Variants in CALCOCO1 observed in about 807,000 individuals in gnomAD.
CALCOCO1 encodes the protein calcium binding and coiled-coil domain 1.
A neutral mutation model predicts 86.3 loss-of-function variants in CALCOCO1; 44 were observed. The ratio of observed to expected loss-of-function variants is 0.51; its 90% CI spans 0.40 to 0.66. CALCOCO1 has a LOEUF of 0.66. Among genes scored for constraint, CALCOCO1 ranks in the 30% least tolerant of loss-of-function variants. CALCOCO1 has a pLI of 0.00. For synonymous variants in CALCOCO1, 297 were observed against 327.6 expected (o/e 0.91, Z 1.01); for missense variants, 708 against 851.1 (o/e 0.83, Z 2.09).
Position 53,721,591 on chromosome 12 carries a change from T to A in CALCOCO1, c.634A>T (p.Ile212Phe). 1 of 1,613,980 alleles carries A rather than the reference T, an allele frequency of 6.2e-7. No individual in the cohort carries two copies. Among genetic ancestry groups the A allele is most frequent in the Non-Finnish European group, 8.5e-7 (1 of 1,179,978 alleles). Residue 212 changes from isoleucine to phenylalanine, a missense_variant, in exon 6 of 15, where the codon ATC (isoleucine) becomes TTC (phenylalanine). Coordinates refer to ENST00000550804, the MANE Select transcript of CALCOCO1 (RefSeq NM_020898.3). ...CTCAGGATGTCCCTCTCTTCTGTGA[T>A]CTCCCCATGGGACCGGGAAATCCCC... ...YKGISRSHGE[I>F]TEERDILSRQ...
chr12:53,716,290 C>T lies in CALCOCO1; in HGVS notation c.975G>A (p.Lys325=), dbSNP rs764955377. 7.4e-6 allele frequency: 12 copies of T among 1,614,048 alleles called. No homozygotes were observed. The South Asian group carries it at 1.3e-4, about 18-fold the overall frequency. ...QRLKDKVAQM[K]DTLGQAQQRV... Reference sequence around the variant, plus strand: ...GCTGCTGGGCCTGGCCTAGGGTGTCCTTCATCTGGGCCACCTTGTCTTTCA... The same window carrying T: ...GCTGCTGGGCCTGGCCTAGGGTGTCTTTCATCTGGGCCACCTTGTCTTTCA... The change falls in exon 8 of 15, where the codon AAG becomes AAA. Residue 325 remains lysine, a synonymous_variant. Coordinates refer to ENST00000550804, the MANE Select transcript of CALCOCO1 (RefSeq NM_020898.3).
intron 13 of CALCOCO1, among the ~76,000 whole-genome samples, chr12:53,713,416 G>C (rs1172827300): frequency 6.6e-6 from 1 of 152,198 alleles, no homozygotes; most frequent in Non-Finnish European, 1.5e-5. Context: ...GGGCTGGTCT[G>C]GGTTTTGGGA....
chr12:53,715,172 C>T, intron 10 of CALCOCO1, 28 bp downstream of exon 10: 7 of 1,612,390 alleles, frequency 4.3e-6, no homozygotes, highest in African/African-American at 2.7e-5. Flanking sequence ...GGCCATAGGA[C>T]AGGACCCTTG....
In CALCOCO1 at chr12:53,711,595, A is replaced by AGTGTGT. The variant is rs1945551904; in HGVS notation, c.*343_*348dup. The AGTGTGT allele has an allele frequency of 3.4e-6, 1 of 291,796 alleles. No individual in the cohort carries two copies. Among genetic ancestry groups the AGTGTGT allele is most frequent in the Non-Finnish European group, 6.3e-6 (1 of 158,590 alleles). 18.1% of individuals were successfully genotyped at this position (291,796 alleles called of 1,614,324 possible). ...CATCAGACAAGGGAGTGTGAGTGTG[A>AGTGTGT]GTGTGTGTGTGCAGTGGCTGTGTAT... On this transcript the variant is annotated 3_prime_UTR_variant, in exon 15 of 15. Transcript: ENST00000550804.
chr12:53,714,820 C>A, intron 10 of CALCOCO1, 127 bp from the exon 11 acceptor site: 1 of 650,990 alleles, frequency 1.5e-6, no homozygotes. Context: ...TGCTCTGACA[C>A]ACACACACAG....
In CALCOCO1 at chr12:53,713,209, G is replaced by A; in HGVS notation, c.1792-3C>T. On this transcript the variant is annotated splice_polypyrimidine_tract_variant and splice_region_variant and intron_variant, in intron 13 of 14. Transcript: ENST00000550804. ...ACTGACTTCTCATCTTCAGCCTCCT[G>A]GATGCCAAAGAGACAGGGTTGGGCT... The A allele has an allele frequency of 6.2e-7, 1 of 1,613,206 alleles. No individual in the cohort carries two copies. The highest frequency in any genetic ancestry group is 8.5e-7 in the Non-Finnish European group (1 of 1,179,312).
At chr12:53,725,371 A>C in intron 1 of CALCOCO1, 105 bp from the exon 2 acceptor site, 1 of 705,162 alleles carries the variant, frequency 1.4e-6, no homozygotes, top group Non-Finnish European at 2.3e-6. Flanking sequence ...ACCTGGAGAT[A>C]AGGCATACCT....
chr12:53,717,188 GTAGCTGGGATTATAGGTGTGT>G, intron 7 of CALCOCO1, among the ~76,000 whole-genome samples: 2 of 152,314 alleles, frequency 1.3e-5, no homozygotes, highest in Admixed American at 1.3e-4. Context: ...AGCCTCCCCA[GTAGCTGGGATTATAGGTGTGT>G]GCCACCACGC....
Position 53,724,642 on chromosome 12 carries a change from T to C in CALCOCO1, c.259+3A>G. ...TCTCCCAATTTTCCATCTTCCCTTGTACCTTGGAACTGGACACTGGTGTGA... is the reference window on the plus strand; with the variant it reads ...TCTCCCAATTTTCCATCTTCCCTTGCACCTTGGAACTGGACACTGGTGTGA... On this transcript the variant is annotated splice_donor_region_variant and intron_variant, in intron 3 of 14. Transcript: ENST00000550804. The C allele has an allele frequency of 6.2e-7, 1 of 1,612,198 alleles. No homozygotes were observed.
At chr12:53,713,516 T>C (rs943298723) in intron 13 of CALCOCO1, among the ~76,000 whole-genome samples, 185 bp downstream of exon 13, 1 of 152,158 alleles carries the variant, frequency 6.6e-6, no homozygotes, top group African/African-American at 2.4e-5. Context: ...AGATTCCTTC[T>C]CTAATTAGCC....
At position 53,711,414 on chromosome 12, in the gene CALCOCO1, C is replaced by T. The variant is rs1945547093; in HGVS notation, c.*530G>A. On this transcript the variant is annotated 3_prime_UTR_variant, in exon 15 of 15. Coordinates refer to ENST00000550804, the MANE Select transcript of CALCOCO1 (RefSeq NM_020898.3). ...TGGGGCACAGAAGTCAATGGGGGAA[C>T]AGAAAGAGGAACCAATGAAACTGAG... 2.6e-6 allele frequency: 1 copy of T among 385,526 alleles called. No individual in the cohort carries two copies. The highest frequency in any genetic ancestry group is 2.1e-5 in the African/African-American group (1 of 48,180). The allele number at this position is 385,526 out of a possible 1,614,324, so 23.9% of individuals were successfully genotyped here. A position where few individuals can be genotyped will look rare whatever the true frequency, so the allele number is the denominator to read the frequency against.
At chr12:53,720,510 T>C (rs1945840171) in intron 6 of CALCOCO1, among the ~76,000 whole-genome samples, 1 of 152,232 alleles carries the variant, frequency 6.6e-6, no homozygotes, top group Non-Finnish European at 1.5e-5. Context: ...AGATAGCCCC[T>C]AATCTTTTCC....
At chr12:53,713,362 GAAT>G (rs1012551559) in intron 13 of CALCOCO1, among the ~76,000 whole-genome samples, 156 bp from the exon 14 acceptor site, 21 of 152,266 alleles carry the variant, frequency 1.4e-4, no homozygotes, top group African/African-American at 4.8e-4. Flanking sequence ...AGGGGCTGGT[GAAT>G]AATAAGAGAA....
intron 6 of CALCOCO1, 27 bp downstream of exon 6, chr12:53,721,440 G>C (rs1283378259): frequency 6.4e-7 from 1 of 1,568,758 alleles, no homozygotes. Flanking sequence ...GGGAGAGGAA[G>C]TGACGGGGTC....
At position 53,714,654 on chromosome 12, in the gene CALCOCO1, G is replaced by T. The variant is rs367715202; in HGVS notation, c.1426C>A (p.Arg476=). 1.1e-4 allele frequency: 184 copies of T among 1,613,852 alleles called. No homozygotes were observed. The highest frequency in any genetic ancestry group is 1.5e-4 in the Non-Finnish European group (179 of 1,179,944). Residue 476 remains arginine (R), a synonymous_variant, in exon 11 of 15, where the codon CGG becomes AGG. Coordinates refer to ENST00000550804, the MANE Select transcript of CALCOCO1 (RefSeq NM_020898.3). ...SESKRELTEL[R]SALRVLQKEK... ...TTCTGGAGCACACGCAGGGCTGACC[G>T]CAGCTCTGTCAGCTCCCGCTTACTT...
chr12:53,719,633 C>T (rs1945816044), intron 7 of CALCOCO1, 106 bp downstream of exon 7: 1 of 767,380 alleles, frequency 1.3e-6, no homozygotes, highest in Non-Finnish European at 2.3e-6. Context: ...GTAGAGTGCA[C>T]ACAATGTCTT....
Position 53,711,487 on chromosome 12 carries a change from T to G in CALCOCO1, c.*457A>C, listed in dbSNP as rs1945548296. 15 of 353,362 alleles carry G rather than the reference T, an allele frequency of 4.2e-5. No individual in the cohort carries two copies. In the East Asian group the frequency reaches 6.3e-4, roughly 15 times the overall value. 21.9% of individuals were successfully genotyped at this position (353,362 alleles called of 1,614,324 possible). ...CATGATGTCCATGCTGCTGCCTCTG[T>G]GCAGACCCCAGAGAAAACTCAGGTA... On this transcript the variant is annotated 3_prime_UTR_variant, in exon 15 of 15. Transcript: ENST00000550804.
At chr12:53,723,542 T>C (rs960599114) in intron 4 of CALCOCO1, 51 bp downstream of exon 4, 3 of 1,593,034 alleles carry the variant, frequency 1.9e-6, no homozygotes, top group African/African-American at 1.3e-5. Flanking sequence ...CCTCTTGCAA[T>C]GCTGTCTCCC....
rs1240025164 is a variant in CALCOCO1, at chr12:53,722,051, G to T, written c.583C>A (p.His195Asn). ...TTGTACTGTTCCATCAGCTCCGTGT[G>T]CTCCTGCCTGGCAGTTGCCAGAGCC... ...ERALATARQE[H>N]TELMEQYKGI... The change falls in exon 5 of 15, where the codon CAC becomes AAC. Residue 195 changes from histidine (H) to asparagine (N), a missense_variant. His to Asn is a moderately conservative substitution (Grantham distance 68). Coordinates refer to ENST00000550804, the MANE Select transcript of CALCOCO1 (RefSeq NM_020898.3). The T allele has an allele frequency of 6.2e-7, 1 of 1,613,548 alleles. No individual in the cohort carries two copies. The highest frequency in any genetic ancestry group is 8.5e-7 in the Non-Finnish European group (1 of 1,180,028).
Sources: gnomAD v4.1 joint callset for allele counts (sites outside exome capture counted in the v4.1 genomes callset) on GRCh38, gnomAD v4.1.1 for gene constraint, MANE v1.5 for transcripts, NCBI Gene and HGNC (gene_info 2026-07-23, HGNC 2026-07-21) for gene names.